The following ESR1 variants were observed in gnomAD, a reference collection of about 807,000 sequenced individuals.
ESR1 encodes the protein estrogen receptor.
ESR1 carries 12 observed loss-of-function variants against 52.7 expected under a neutral mutation model. The observed-to-expected ratio is 0.23, with a 90% CI of 0.15 to 0.37. ESR1 has a LOEUF of 0.37. Among genes scored for constraint, ESR1 ranks in the 10% least tolerant of loss-of-function variants. The probability of loss-of-function intolerance (pLI) is 1.00; values close to 1 mark genes in which losing one functional copy is unlikely to be tolerated. For missense variants in ESR1, 584 were observed against 779.7 expected, an observed-to-expected ratio of 0.75 and a Z score of 2.99; for synonymous variants, 305 against 316.8, an observed-to-expected ratio of 0.96 and a Z score of 0.39.
chr6:151,707,931 C>G (rs1173078352), intron 2 of ESR1, among the ~76,000 whole-genome samples: 1 of 151,896 alleles, frequency 6.6e-6, no homozygotes, highest in African/African-American at 2.4e-5. Flanking sequence ...TTTACATTTT[C>G]TCTTGTTACA....
chr6:151,905,337 T>A (rs1797274043), intron 3 of ESR1, among the ~76,000 whole-genome samples: 1 of 152,210 alleles, frequency 6.6e-6, no homozygotes, highest in Non-Finnish European at 1.5e-5. Flanking sequence ...ATGCTTAGAA[T>A]GTCTCAGAAT....
At chr6:151,683,232 C>T (rs1231574871) in intron 1 of ESR1, among the ~76,000 whole-genome samples, 2 of 152,126 alleles carry the variant, frequency 1.3e-5, no homozygotes, top group African/African-American at 2.4e-5. Context: ...CATGTCCTTT[C>T]CAGTACAGAT....
At chr6:152,107,604 T>C (rs2051081898), downstream of ESR1, among the ~76,000 whole-genome samples, 1 of 152,214 alleles carries the variant, frequency 6.6e-6, no homozygotes, top group Non-Finnish European at 1.5e-5. Flanking sequence ...GGGAAACACA[T>C]AGTTTCTTTT....
chr6:151,724,237 T>G (rs1781676596), intron 2 of ESR1, among the ~76,000 whole-genome samples: 1 of 152,162 alleles, frequency 6.6e-6, no homozygotes. Context: ...CTTCCTAGTT[T>G]CTAATTATTC....
chr6:151,739,927 T>C (rs1782953540), intron 2 of ESR1, among the ~76,000 whole-genome samples: 1 of 152,188 alleles, frequency 6.6e-6, no homozygotes, highest in Non-Finnish European at 1.5e-5. Flanking sequence ...CCATTATTCA[T>C]CCAGCAATAT....
intron 6 of ESR1, among the ~76,000 whole-genome samples, chr6:152,081,588 A>G (rs2049219857): frequency 6.6e-6 from 1 of 151,656 alleles, no homozygotes; most frequent in African/African-American, 2.4e-5. Flanking sequence ...GAGCAAACAA[A>G]TTCAAAAGCA....
chr6:151,844,049 T>C (rs1034858537), intron 2 of ESR1, among the ~76,000 whole-genome samples: 3 of 151,886 alleles, frequency 2.0e-5, no homozygotes. Flanking sequence ...ATGGACTTTT[T>C]TGTTGGTATT....
intron 5 of ESR1, among the ~76,000 whole-genome samples, chr6:152,012,445 T>C (rs2042858080): frequency 6.6e-6 from 1 of 152,098 alleles, no homozygotes; most frequent in African/African-American, 2.4e-5. Flanking sequence ...CCAGCTGTGA[T>C]GCTAAACACT....
chr6:151,925,087 A>G (rs2032444681), intron 3 of ESR1, among the ~76,000 whole-genome samples: 1 of 151,526 alleles, frequency 6.6e-6, no homozygotes, highest in Non-Finnish European at 1.5e-5. Flanking sequence ...GCAGTGTATA[A>G]GTCTTCCCTT....
At chr6:151,808,466 G>C in intron 1 of ESR1, 102 bp downstream of exon 1, 1 of 1,108,960 alleles carries the variant, frequency 9.0e-7, no homozygotes, top group Non-Finnish European at 1.2e-6. Context: ...CGGGAGCCGC[G>C]GGACGCGCGA....
intron 1 of ESR1, among the ~76,000 whole-genome samples, chr6:151,700,602 C>T (rs914634461): frequency 1.3e-5 from 2 of 151,722 alleles, no homozygotes; most frequent in Non-Finnish European, 2.9e-5. Flanking sequence ...AGTCCACTGG[C>T]CCCTATAAAT....
chr6:151,661,509 T>G (rs965636625), intron 1 of ESR1, among the ~76,000 whole-genome samples: 13 of 152,230 alleles, frequency 8.5e-5, no homozygotes, highest in African/African-American at 3.1e-4. Context: ...TAGCATTTAT[T>G]TTGGTGCTTA....
chr6:152,057,657 G>A (rs1018105721), intron 5 of ESR1, among the ~76,000 whole-genome samples: 1 of 150,210 alleles, frequency 6.7e-6, no homozygotes, highest in Non-Finnish European at 1.5e-5. Context: ...GTCAACATAT[G>A]CCCCCTCCAC....
chr6:152,002,007 A>G (rs1214646702), intron 4 of ESR1, among the ~76,000 whole-genome samples: 1 of 151,966 alleles, frequency 6.6e-6, no homozygotes, highest in Non-Finnish European at 1.5e-5. Flanking sequence ...AAGCATTGTC[A>G]TATGCTTTGA....
intron 6 of ESR1, among the ~76,000 whole-genome samples, chr6:152,069,243 TG>T: frequency 7.3e-6 from 1 of 136,380 alleles, no homozygotes; most frequent in South Asian, 2.3e-4. Flanking sequence ...GCTGAGGAGC[TG>T]GGGGTAACTG....
At chr6:151,881,882 CAATAAATAAATAAATAAATA>C (rs66997460) in intron 3 of ESR1, among the ~76,000 whole-genome samples, 37 of 134,804 alleles carry the variant, frequency 2.7e-4, no homozygotes, top group South Asian at 5.1e-4. Context: ...GACTCTGTCT[CAATAAATAAATAAATAAATA>C]AATAAATAAA....
At chr6:151,886,081 C>A (rs1474623296) in intron 3 of ESR1, among the ~76,000 whole-genome samples, 1 of 151,540 alleles carries the variant, frequency 6.6e-6, no homozygotes, top group Non-Finnish European at 1.5e-5. Context: ...ATGGCAATTT[C>A]ATCACTTCTA....
In ESR1 at chr6:151,727,453, C is replaced by T. The variant is rs532476490; in HGVS notation, c.-71+25448C>T. Among the ~76,000 whole-genome samples, 7 of 152,242 alleles carry T rather than the reference C, an allele frequency of 4.6e-5. 1 individual carries two copies. The South Asian group carries it at 8.3e-4, about 18-fold the overall frequency. On this transcript the variant is annotated intron_variant, in intron 2 of 2. Transcript: ENST00000404742. ...CTGACGTCAAGTGATCTGCCTGTCTCGGCCTCCCAAAGTGCTGGGATTACA... is the reference window on the plus strand; with the variant it reads ...CTGACGTCAAGTGATCTGCCTGTCTTGGCCTCCCAAAGTGCTGGGATTACA...
chr6:151,758,289 C>T (rs1332543599), intron 2 of ESR1, among the ~76,000 whole-genome samples: 1 of 152,200 alleles, frequency 6.6e-6, no homozygotes, highest in Non-Finnish European at 1.5e-5. Context: ...AAAATATACT[C>T]GTCTCCTCAG....
Sources: allele counts gnomAD v4.1 joint callset (sites outside exome capture counted in the v4.1 genomes callset), GRCh38; gene constraint gnomAD v4.1.1; transcripts MANE v1.5; gene names NCBI Gene and HGNC (gene_info 2026-07-23, HGNC 2026-07-21).